Variants in USO1 observed in about 807,000 individuals in gnomAD.
USO1 encodes general vesicular transport factor p115.
A neutral mutation model predicts 124.5 loss-of-function variants in USO1; 57 were observed. That is an observed-to-expected ratio of 0.46 (90% CI 0.37 to 0.57). The LOEUF is 0.57. Ranked by LOEUF, USO1 falls within the 20% of genes least tolerant of loss-of-function variation. The pLI, the probability that USO1 is intolerant of heterozygous loss-of-function variation, is 0.00. For missense variants in USO1, 900 were observed against 1,040.6 expected, an observed-to-expected ratio of 0.86 and a Z score of 1.86; for synonymous variants, 369 against 362.8, an observed-to-expected ratio of 1.02 and a Z score of -0.19.
chr4:75,757,704 T>A, intron 4 of USO1, 131 bp downstream of exon 4: 2 of 844,904 alleles, frequency 2.4e-6, no homozygotes, highest in Non-Finnish European at 3.1e-6. Context: ...TTAAAAAATT[T>A]AATAAACACA....
At chr4:75,789,654 C>T (rs866063246) in intron 10 of USO1, among the ~76,000 whole-genome samples, 4 of 151,996 alleles carry the variant, frequency 2.6e-5, no homozygotes, top group African/African-American at 9.7e-5. Flanking sequence ...TTTTAATTAA[C>T]AAAAATGGTA....
chr4:75,748,792 T>C (rs1052697210), intron 1 of USO1, among the ~76,000 whole-genome samples: 1 of 152,110 alleles, frequency 6.6e-6, no homozygotes, highest in Non-Finnish European at 1.5e-5. Flanking sequence ...AACTATAAGC[T>C]ACCTTAAAAA....
At chr4:75,724,992 C>G (rs7657871) in intron 1 of USO1, 107 bp downstream of exon 1, 1,055,233 of 1,197,958 alleles carry the variant, frequency 0.88, 465,154 homozygotes, top group African/African-American at 0.94. Flanking sequence ...ATGGAGGGGG[C>G]ATCCACATGC....
intron 8 of USO1, among the ~76,000 whole-genome samples, chr4:75,780,013 C>A (rs185326842): frequency 6.6e-6 from 1 of 151,964 alleles, no homozygotes; most frequent in Non-Finnish European, 1.5e-5. Flanking sequence ...ATCCTAGGAC[C>A]CTTAAGAAAT....
chr4:75,777,639 T>C (rs1722107852), intron 8 of USO1, among the ~76,000 whole-genome samples: 2 of 152,198 alleles, frequency 1.3e-5, no homozygotes, highest in Middle Eastern at 3.4e-3. Context: ...AACAATGAGA[T>C]ATCACTACAT....
intron 18 of USO1, 26 bp from the exon 19 acceptor site, chr4:75,805,114 T>C: frequency 2.0e-6 from 3 of 1,526,320 alleles, no homozygotes; most frequent in Non-Finnish European, 2.6e-6. Flanking sequence ...CCCGTTGGCT[T>C]TTAAAATGTT....
chr4:75,799,719 C>T lies in USO1; in HGVS notation c.1550C>T (p.Ala517Val), dbSNP rs1722788157. 1.2e-6 allele frequency: 2 copies of T among 1,613,728 alleles called. No homozygotes were observed. Among genetic ancestry groups the T allele is most frequent in the Admixed American group, 1.7e-5 (1 of 60,016 alleles). ...GTAACGCATTTTCTTCACAATTCAG[C>T]CAATGTTCCATTTGTATCCTTTATG... ...IAVTHFLHNS[A>V]NVPFLTGQIA... Residue 517 changes from alanine to valine, a missense_variant, in exon 14 of 24, where the codon GCC becomes GTC. By Grantham distance (64) the Ala-to-Val change is moderately conservative. Around this residue, in one of 2 missense-constraint regions of USO1, gnomAD observed 538 missense variants for 681.6 expected, o/e 0.79. Transcript: ENST00000514213.
intron 1 of USO1, among the ~76,000 whole-genome samples, chr4:75,741,502 A>G (rs1720958031): frequency 6.6e-6 from 1 of 152,020 alleles, no homozygotes; most frequent in African/African-American, 2.4e-5. Flanking sequence ...GCTTTCTGTA[A>G]TAATGCTTAG....
intron 14 of USO1, 146 bp downstream of exon 14, chr4:75,799,878 T>A: frequency 2.2e-6 from 2 of 928,060 alleles, no homozygotes; most frequent in South Asian, 1.8e-5. Context: ...TTAAAGTTGT[T>A]ATGATGCTTG....
At chr4:75,732,200 A>G (rs1195655662) in intron 1 of USO1, among the ~76,000 whole-genome samples, 1 of 149,948 alleles carries the variant, frequency 6.7e-6, no homozygotes, top group Non-Finnish European at 1.5e-5. Flanking sequence ...GACTGCTCCC[A>G]TCTTTAGGTC....
At chr4:75,790,945 G>T in intron 12 of USO1, 148 bp downstream of exon 12, 1 of 1,105,508 alleles carries the variant, frequency 9.0e-7, no homozygotes, top group Non-Finnish European at 1.2e-6. Flanking sequence ...GAATTCTAAG[G>T]CCTGCAGGTA....
At chr4:75,745,439 C>G in intron 1 of USO1, 3 of 488,232 alleles carry the variant, frequency 6.1e-6, no homozygotes, top group South Asian at 4.5e-5. Flanking sequence ...CCCTGTAGTT[C>G]GCAACAGATA....
At chr4:75,796,341 C>CTTT (rs533041107) in intron 13 of USO1, among the ~76,000 whole-genome samples, 5 of 102,064 alleles carry the variant, frequency 4.9e-5, no homozygotes, top group African/African-American at 9.2e-5. Context: ...CCATCATGCT[C>CTTT]TTTTTTTTTT....
rs935200124 is a variant in USO1 at position 75,724,755 on chromosome 4, G to T, written c.-65G>T. 3 of 1,563,790 alleles carry T rather than the reference G, an allele frequency of 1.9e-6. No homozygotes were observed. The highest frequency in any genetic ancestry group is 2.3e-5 in the South Asian group (2 of 88,450). ...GGGATTGGGGCCCAGGCCCTGCGGA[G>T]GGCGGGGGAAGTTGTCTTCTTTTTT... is the stretch of plus-strand genomic sequence containing the variant. On this transcript the variant is annotated 5_prime_UTR_variant, in exon 1 of 24. The change creates a new upstream start codon in the 5' untranslated region. Coordinates refer to ENST00000514213, the MANE Select transcript of USO1 (RefSeq NM_003715.4).
intron 23 of USO1, 42 bp from the exon 24 acceptor site, chr4:75,813,164 T>A (rs1264526936): frequency 3.4e-5 from 54 of 1,571,554 alleles, no homozygotes; most frequent in Non-Finnish European, 4.5e-5. Context: ...GAATGTGACA[T>A]GAACAGATTT....
At position 75,790,768 on chromosome 4, in the gene USO1, T is replaced by C; in HGVS notation, c.1211T>C (p.Val404Ala). The C allele has an allele frequency of 6.2e-7, 1 of 1,611,152 alleles. No individual in the cohort carries two copies. The highest frequency in any genetic ancestry group is 8.5e-7 in the Non-Finnish European group (1 of 1,178,680). Residue 404 changes from valine (V) to alanine (A), a missense_variant, in exon 12 of 24, where the codon GTG (valine) becomes GCG (alanine). Physicochemically the swap from Val to Ala is moderately conservative, Grantham distance 64. Transcript: ENST00000514213. The part of the protein sequence containing the change: ...YKNQKGQGEI[V>A]STLLPSTIDA... ...AACCAAAAAGGACAAGGAGAAATCG[T>C]GTCAACACTTTTACCTTCTACCATT... is the stretch of plus-strand genomic sequence containing the variant.
chr4:75,793,993 G>A, intron 13 of USO1, 92 bp downstream of exon 13: 1 of 1,521,956 alleles, frequency 6.6e-7, no homozygotes. Flanking sequence ...GATGAAAAAG[G>A]ACAGAGAAGA....
In USO1 at chr4:75,790,617, TG is replaced by T. The variant is rs780140497; in HGVS notation, c.1086-25del. 1.9e-6 allele frequency: 3 copies of T among 1,586,340 alleles called. No homozygotes were observed. The South Asian group carries it at 3.5e-5, about 18-fold the overall frequency. Reference sequence around the variant, plus strand: ...ATACTTGGGTTGCAATGTTTCATTTTGTTCTTTTCTTTTTAAATGCAACAGA... The same window carrying T: ...ATACTTGGGTTGCAATGTTTCATTTTTTCTTTTCTTTTTAAATGCAACAGA... On this transcript the variant is annotated intron_variant, in intron 11 of 23. Coordinates refer to ENST00000514213, the MANE Select transcript of USO1 (RefSeq NM_003715.4).
intron 3 of USO1, 66 bp downstream of exon 3, chr4:75,752,670 A>T: frequency 2.5e-6 from 1 of 397,628 alleles, no homozygotes. Context: ...AGTCAGCATC[A>T]CTATTCCAAA....
Sources: allele counts gnomAD v4.1 joint callset (sites outside exome capture counted in the v4.1 genomes callset), GRCh38; gene constraint gnomAD v4.1.1; regional missense constraint gnomAD v4.1.1; transcripts MANE v1.5; gene names NCBI Gene and HGNC (gene_info 2026-07-23, HGNC 2026-07-21).